RAG1: variants seen among roughly 807,000 people sequenced by gnomAD.
RAG1 encodes recombination activating 1.
A neutral mutation model predicts 62.7 loss-of-function variants in RAG1; 35 were observed. That is an observed-to-expected ratio of 0.56 (90% confidence interval 0.43 to 0.74). The LOEUF is 0.74. Ranked by LOEUF, RAG1 falls within the 30% of genes least tolerant of loss-of-function variation. The pLI is 0.00. For synonymous variants in RAG1, 461 were observed against 470.3 expected (o/e 0.98, Z 0.26); for missense variants, 1,169 against 1,278.6 (o/e 0.91, Z 1.31).
intron 3 of RAG1, among the ~76,000 whole-genome samples, chr11:36,547,580 A>C (rs1474098185): frequency 1.3e-5 from 2 of 152,368 alleles, no homozygotes; most frequent in East Asian, 3.9e-4. Context: ...ACCAGGAAGA[A>C]GCCAAATCCC....
chr11:36,525,168 C>T (rs1860141058), intron 2 of RAG1, among the ~76,000 whole-genome samples: 1 of 151,056 alleles, frequency 6.6e-6, no homozygotes. Context: ...TGTTTTTTCT[C>T]TATTGAATTG....
At chr11:36,532,201 A>G (rs1471832494) in intron 2 of RAG1, among the ~76,000 whole-genome samples, 1 of 152,110 alleles carries the variant, frequency 6.6e-6, no homozygotes, top group Non-Finnish European at 1.5e-5. Flanking sequence ...AAAGATATGG[A>G]GAAAAAACTG....
chr11:36,523,950 A>G (rs559282394), intron 2 of RAG1, among the ~76,000 whole-genome samples: 15 of 152,266 alleles, frequency 9.9e-5, no homozygotes, highest in Admixed American at 8.5e-4. Flanking sequence ...TTGCCCTTTT[A>G]TACCACACCC....
In RAG1 at chr11:36,574,846, G is replaced by T; in HGVS notation, c.1542G>T (p.Leu514=). 1.9e-6 allele frequency: 3 copies of T among 1,614,230 alleles called. No homozygotes were observed. Among genetic ancestry groups the T allele is most frequent in the Non-Finnish European group, 2.5e-6 (3 of 1,180,048 alleles). Residue 514 remains leucine (L), a synonymous_variant, in exon 2 of 2, where the codon CTG becomes CTT. Transcript: ENST00000299440. ...TTCGGAATGCTGAGAAGGTACTTCTGCCAGGCTACCACCACTTTGAGTGGC... is the reference window on the plus strand; with the variant it reads ...TTCGGAATGCTGAGAAGGTACTTCTTCCAGGCTACCACCACTTTGAGTGGC... The part of the protein sequence containing the change: ...HALRNAEKVL[L]PGYHHFEWQP...
Position 36,576,443 on chromosome 11 carries a change from C to A in RAG1, c.*7C>A, listed in dbSNP as rs369833659. On this transcript the variant is annotated 3_prime_UTR_variant, in exon 2 of 2. Transcript: ENST00000299440. ...AGATTCAATGGAATTTTAAGTAGGG[C>A]AACCACTTATGAGTTGGTTTTTGCA... 6.2e-7 allele frequency: 1 copy of A among 1,613,938 alleles called. No homozygotes were observed. Among genetic ancestry groups the A allele is most frequent in the Non-Finnish European group, 8.5e-7 (1 of 1,179,942 alleles).
chr11:36,511,260 C>G (rs1489589227), intron 1 of RAG1, among the ~76,000 whole-genome samples: 2 of 152,144 alleles, frequency 1.3e-5, no homozygotes, highest in Non-Finnish European at 2.9e-5. Flanking sequence ...TTGAGACCAG[C>G]CTGGGCAACA....
chr11:36,521,662 G>A (rs1293863820), intron 2 of RAG1, among the ~76,000 whole-genome samples: 7 of 152,158 alleles, frequency 4.6e-5, no homozygotes, highest in Non-Finnish European at 1.0e-4. Context: ...TAGATAACAG[G>A]GAGAGGTTGG....
intron 1 of RAG1, among the ~76,000 whole-genome samples, chr11:36,516,032 T>C (rs1859990633): frequency 6.6e-6 from 1 of 152,160 alleles, no homozygotes; most frequent in African/African-American, 2.4e-5. Flanking sequence ...TTTTCTTAAT[T>C]TTGAAGAAAG....
intron 2 of RAG1, among the ~76,000 whole-genome samples, chr11:36,525,194 CA>C (rs35405056): frequency 2.0e-5 from 3 of 151,812 alleles, no homozygotes; most frequent in Non-Finnish European, 4.4e-5. Flanking sequence ...GCACCATTGT[CA>C]AAAAAATTGG....
rs1287887533 is a variant in RAG1, at chr11:36,568,077, A to C, written c.-60A>C. Reference sequence around the variant, plus strand: ...CTTTGGTATTGAGTAATATCAACCAAATTGCAGACATCTCAACACTTTGGC... The same window carrying C: ...CTTTGGTATTGAGTAATATCAACCACATTGCAGACATCTCAACACTTTGGC... On this transcript the variant is annotated 5_prime_UTR_variant, in exon 1 of 2. Transcript: ENST00000299440. The C allele has an allele frequency of 6.6e-6, 1 of 152,174 alleles. No individual in the cohort carries two copies. Among genetic ancestry groups the C allele is most frequent in the East Asian group, 1.9e-4 (1 of 5,196 alleles). The allele number at this position is 152,174 out of a possible 1,614,324, so 9.4% of individuals were successfully genotyped here. A position where few individuals can be genotyped will look rare whatever the true frequency, so the allele number is the denominator to read the frequency against.
upstream of RAG1, among the ~76,000 whole-genome samples, chr11:36,564,343 A>C (rs1057341858): frequency 6.6e-6 from 1 of 152,058 alleles, no homozygotes; most frequent in African/African-American, 2.4e-5. Flanking sequence ...TCTGTTTCCT[A>C]GTCTATAGGA....
At chr11:36,549,986 AC>A (rs1287187469) in intron 3 of RAG1, among the ~76,000 whole-genome samples, 1 of 152,192 alleles carries the variant, frequency 6.6e-6, no homozygotes, top group Admixed American at 6.5e-5. Context: ...AAAGCTGGAA[AC>A]CATCATTCTC....
At chr11:36,561,044 C>T (rs936501293) in intron 3 of RAG1, among the ~76,000 whole-genome samples, 4 of 152,198 alleles carry the variant, frequency 2.6e-5, no homozygotes, top group African/African-American at 7.2e-5. Flanking sequence ...CTTCCTTAGG[C>T]ACAATTATAC....
At chr11:36,521,779 A>G (rs1860083955) in intron 2 of RAG1, among the ~76,000 whole-genome samples, 1 of 152,206 alleles carries the variant, frequency 6.6e-6, no homozygotes, top group Non-Finnish European at 1.5e-5. Context: ...GATATGGATA[A>G]TGTAATCCAG....
In RAG1 at chr11:36,579,402, T is replaced by C. The variant is rs1850902157; in HGVS notation, c.*2966T>C. On this transcript the variant is annotated 3_prime_UTR_variant, in exon 2 of 2. Transcript: ENST00000299440. ...AAGAGTAGATACATTGTACCCATTTTACATTTTCTTATTTTAACTACAGTA... is the reference window on the plus strand; with the variant it reads ...AAGAGTAGATACATTGTACCCATTTCACATTTTCTTATTTTAACTACAGTA... 1 of 167,124 alleles carries C rather than the reference T, an allele frequency of 6.0e-6. No homozygotes were observed. The highest frequency in any genetic ancestry group is 6.5e-5 in the Admixed American group (1 of 15,284). The allele number at this position is 167,124 out of a possible 1,614,324, so 10.4% of individuals were successfully genotyped here.
At chr11:36,524,670 G>C (rs945124697) in intron 2 of RAG1, among the ~76,000 whole-genome samples, 4 of 151,838 alleles carry the variant, frequency 2.6e-5, no homozygotes, top group African/African-American at 9.7e-5. Flanking sequence ...TGTAATTTTT[G>C]TAGAGACAGT....
In RAG1 at chr11:36,573,472, A is replaced by G. The variant is rs1381690676; in HGVS notation, c.168A>G (p.Lys56=). The G allele has an allele frequency of 1.2e-6, 2 of 1,614,088 alleles. No individual in the cohort carries two copies. The highest frequency in any genetic ancestry group is 4.5e-5 in the East Asian group (2 of 44,876). The change falls in exon 2 of 2, where the codon AAA becomes AAG. Residue 56 remains lysine, a synonymous_variant. Transcript: ENST00000299440. ...QKEKKDSFEG[K]PSLEQSPAVL... ...AAAAGAAGGATTCCTTTGAGGGGAA[A>G]CCCTCTCTGGAGCAATCTCCAGCAG... is the stretch of plus-strand genomic sequence containing the variant.
In RAG1 at chr11:36,575,652, C is replaced by G. The variant is rs754502950; in HGVS notation, c.2348C>G (p.Ser783Ter). 13 of 1,614,094 alleles carry G rather than the reference C, an allele frequency of 8.1e-6. No individual in the cohort carries two copies. In the African/African-American group the frequency reaches 1.7e-4, roughly 22 times the overall value. Residue 783 changes from serine (S) to a stop codon, truncating the protein, a stop_gained, in exon 2 of 2, where the codon TCA (serine) becomes TGA (stop). Coordinates refer to ENST00000299440, the MANE Select transcript of RAG1 (RefSeq NM_000448.3). LOFTEE classifies it high-confidence loss of function. The surrounding 1 kb of genome is among the most constrained non-coding windows in gnomAD (Gnocchi z 4.1). ...EELRDRVKGV[S>*]AKPFIETVPS... ...CTGCGGGATCGGGTGAAAGGGGTCT[C>G]AGCTAAACCTTTCATTGAGACAGTC...
chr11:36,537,108 A>G (rs1161510540), downstream of RAG1, among the ~76,000 whole-genome samples: 3 of 152,040 alleles, frequency 2.0e-5, no homozygotes, highest in Non-Finnish European at 2.9e-5. Context: ...AACAATTCAG[A>G]GGCAGAAATC....
Sources: gnomAD v4.1 joint callset for allele counts (sites outside exome capture counted in the v4.1 genomes callset) on GRCh38, gnomAD v4.1.1 for gene constraint, Gnocchi (gnomAD v3.1) non-coding constraint, MANE v1.5 for transcripts, NCBI Gene and HGNC (gene_info 2026-07-23, HGNC 2026-07-21) for gene names.